Variants in FGFR1 observed in about 807,000 individuals in gnomAD.
FGFR1 encodes the protein fibroblast growth factor receptor 1, also known as FGFR1/PLAG1 fusion.
Under a neutral mutation model 93.7 loss-of-function variants are expected in FGFR1, and 18 were observed. The observed-to-expected ratio is 0.19, with a 90% confidence interval of 0.13 to 0.28. The LOEUF is 0.28. Ranked by LOEUF, FGFR1 falls within the 10% of genes least tolerant of loss-of-function variation. FGFR1 has a pLI of 1.00. For missense variants in FGFR1, 731 were observed against 1,080.4 expected, an observed-to-expected ratio of 0.68 and a Z score of 4.53; for synonymous variants, 448 against 429.3, an observed-to-expected ratio of 1.04 and a Z score of -0.54.
At chr8:38,414,057 T>G in intron 16 of FGFR1, 34 bp from the exon 17 acceptor site, 1 of 1,613,762 alleles carries the variant, frequency 6.2e-7, no homozygotes, top group Middle Eastern at 1.6e-4. Flanking sequence ...GGACGTCTCC[T>G]GGAGATGGAT....
intron 1 of FGFR1, chr8:38,463,505 C>T (rs1391283999): frequency 9.1e-6 from 2 of 219,998 alleles, no homozygotes; most frequent in African/African-American, 4.5e-5. Flanking sequence ...CAGGCTCCTT[C>T]AGAACAGGGT....
intron 2 of FGFR1, among the ~76,000 whole-genome samples, chr8:38,445,742 T>A (rs976265218): frequency 2.6e-5 from 4 of 151,532 alleles, no homozygotes; most frequent in Non-Finnish European, 5.9e-5. Context: ...AGAGACACTA[T>A]GTTGGCCAGG....
At chr8:38,455,329 G>A (rs1194841483) in intron 2 of FGFR1, among the ~76,000 whole-genome samples, 2 of 152,136 alleles carry the variant, frequency 1.3e-5, no homozygotes, top group Non-Finnish European at 2.9e-5. Context: ...TGCCCAGGCT[G>A]GAGTGCAGTG....
At chr8:38,455,330 G>A (rs12680197) in intron 2 of FGFR1, among the ~76,000 whole-genome samples, 55 of 152,218 alleles carry the variant, frequency 3.6e-4, no homozygotes, top group East Asian at 3.1e-3. Flanking sequence ...GCCCAGGCTG[G>A]AGTGCAGTGG....
At chr8:38,451,307 A>ATGTG (rs1171725980) in intron 2 of FGFR1, among the ~76,000 whole-genome samples, 3 of 151,900 alleles carry the variant, frequency 2.0e-5, no homozygotes, top group African/African-American at 7.3e-5. Flanking sequence ...ACAGGACCAC[A>ATGTG]GTCCAGTGTA....
intron 8 of FGFR1, chr8:38,421,535 C>T (rs1378010925): frequency 2.6e-5 from 14 of 543,876 alleles, no homozygotes; most frequent in African/African-American, 7.6e-5. Context: ...ACCCAGATCC[C>T]GGGCATGCAT....
At position 38,424,359 on chromosome 8, in the gene FGFR1, T is replaced by C; in HGVS notation, c.936+150A>G. ...TGTTACTAGTCCTGGGGGATGTGGC[T>C]AGATCCCTACTGAGATGGAGTGTGT... On this transcript the variant is annotated intron_variant, in intron 7 of 17. Coordinates refer to ENST00000447712, the MANE Select transcript of FGFR1 (RefSeq NM_023110.3). The surrounding 1 kb of genome is among the most constrained non-coding windows in gnomAD (Gnocchi z 4.3). 1.2e-6 allele frequency: 1 copy of C among 851,554 alleles called. No individual in the cohort carries two copies. The highest frequency in any genetic ancestry group is 2.0e-6 in the Non-Finnish European group (1 of 506,484). The allele number at this position is 851,554 out of a possible 1,614,324, so 52.7% of individuals were successfully genotyped here.
chr8:38,421,046 G>A (rs2150737987), intron 8 of FGFR1, among the ~76,000 whole-genome samples: 1 of 152,288 alleles, frequency 6.6e-6, no homozygotes, highest in East Asian at 1.9e-4. Flanking sequence ...GGAGGGGAGA[G>A]AGAAGAGGGC....
At chr8:38,434,757 T>C in intron 2 of FGFR1, 1 of 156,712 alleles carries the variant, frequency 6.4e-6, no homozygotes, top group Non-Finnish European at 1.4e-5. Flanking sequence ...GCAGTGCGGC[T>C]TCCTGGCTGA....
At chr8:38,441,976 C>G (rs1287659550) in intron 2 of FGFR1, among the ~76,000 whole-genome samples, 1 of 152,166 alleles carries the variant, frequency 6.6e-6, no homozygotes, top group Non-Finnish European at 1.5e-5. Context: ...GCACCTAGAC[C>G]TCCACCCAGA....
At position 38,413,315 on chromosome 8, in the gene FGFR1, A is replaced by AT. The variant is rs763771954; in HGVS notation, c.*312dup. 9 of 457,146 alleles carry AT rather than the reference A, an allele frequency of 2.0e-5. No individual in the cohort carries two copies. Among genetic ancestry groups the AT allele is most frequent in the Non-Finnish European group, 2.7e-5 (7 of 254,756 alleles). 28.3% of individuals were successfully genotyped at this position (457,146 alleles called of 1,614,324 possible). ...GAAGCTCTCACTTGCATGCCTGTTC[A>AT]TTGGCTCCCACTCCCTGCCCTCCAG... On this transcript the variant is annotated 3_prime_UTR_variant, in exon 18 of 18. Coordinates refer to ENST00000447712, the MANE Select transcript of FGFR1 (RefSeq NM_023110.3). This position sits in a 1 kb window ranked among gnomAD's most constrained non-coding sequence, Gnocchi z 4.2.
At chr8:38,460,994 T>C (rs1165842640) in intron 1 of FGFR1, 1 of 1,449,714 alleles carries the variant, frequency 6.9e-7, no homozygotes, top group Non-Finnish European at 9.4e-7. Flanking sequence ...CAATATCAGC[T>C]AGGCTCCTGG....
At chr8:38,455,465 G>T (rs958675763) in intron 2 of FGFR1, among the ~76,000 whole-genome samples, 7 of 151,962 alleles carry the variant, frequency 4.6e-5, no homozygotes, top group Non-Finnish European at 8.8e-5. Context: ...TAATTTTTTT[G>T]TATTTTTAAT....
intron 1 of FGFR1, among the ~76,000 whole-genome samples, chr8:38,459,268 T>TAA (rs1833782143): frequency 6.6e-6 from 1 of 152,156 alleles, no homozygotes; most frequent in African/African-American, 2.4e-5. Context: ...GAACATGCCC[T>TAA]AATGTGGTAC....
intron 2 of FGFR1, among the ~76,000 whole-genome samples, chr8:38,432,403 G>T (rs994154950): frequency 1.3e-5 from 2 of 150,936 alleles, no homozygotes; most frequent in African/African-American, 2.4e-5. Flanking sequence ...GAACCATCTC[G>T]GGATAAATTT....
At chr8:38,465,765 C>G (rs1213514632) in intron 1 of FGFR1, 2 of 217,628 alleles carry the variant, frequency 9.2e-6, no homozygotes, top group African/African-American at 4.5e-5. Context: ...GGGAGGAAAC[C>G]GGGAGCCCGG....
chr8:38,423,102 T>C, intron 7 of FGFR1: 1 of 779,556 alleles, frequency 1.3e-6, no homozygotes, highest in Non-Finnish European at 2.4e-6. Context: ...CTTACACACA[T>C]ACTCCCCGCT....
In FGFR1 at chr8:38,429,987, CGA is replaced by C; in HGVS notation, c.92-41_92-40del. On this transcript the variant is annotated intron_variant, in intron 2 of 17. Coordinates refer to ENST00000447712, the MANE Select transcript of FGFR1 (RefSeq NM_023110.3). The surrounding 1 kb of genome is among the most constrained non-coding windows in gnomAD (Gnocchi z 4.4). Reference sequence around the variant, plus strand: ...GGGGCCGGGAAGGGAAGCCAAGGGGCGAGAGAGGAAGACAGGGAGAGGGGAGG... The same window carrying C: ...GGGGCCGGGAAGGGAAGCCAAGGGGCGAGAGGAAGACAGGGAGAGGGGAGG... 1 of 1,569,990 alleles carries C rather than the reference CGA, an allele frequency of 6.4e-7. No homozygotes were observed. Among genetic ancestry groups the C allele is most frequent in the South Asian group, 1.1e-5 (1 of 87,024 alleles).
chr8:38,432,673 G>GGCATGA (rs1823613275), intron 2 of FGFR1, among the ~76,000 whole-genome samples: 1 of 152,236 alleles, frequency 6.6e-6, no homozygotes, highest in African/African-American at 2.4e-5. Context: ...CCAAAGTGCT[G>GGCATGA]GCATGAGCCA....
Sources: gnomAD v4.1 joint callset for allele counts (sites outside exome capture counted in the v4.1 genomes callset) on GRCh38, gnomAD v4.1.1 for gene constraint, Gnocchi (gnomAD v3.1) non-coding constraint, MANE v1.5 for transcripts, NCBI Gene and HGNC (gene_info 2026-07-23, HGNC 2026-07-21) for gene names.